UNC13C: variants seen among roughly 807,000 people sequenced by gnomAD.
UNC13C encodes unc-13 homolog C.
UNC13C carries 174 observed loss-of-function variants against 245.4 expected under a neutral mutation model. The observed-to-expected ratio is 0.71, with a 90% CI of 0.63 to 0.80. The LOEUF is 0.80. UNC13C is among the 30% of genes least tolerant of loss of function. The pLI, the probability that UNC13C is intolerant of heterozygous loss-of-function variation, is 0.00. For synonymous variants in UNC13C, 992 were observed against 895.1 expected, an observed-to-expected ratio of 1.11 and a Z score of -1.93; for missense variants, 2,829 against 2,602.9, an observed-to-expected ratio of 1.09 and a Z score of -1.89.
chr15:54,062,289 C>G (rs1897877391), intron 2 of UNC13C, among the ~76,000 whole-genome samples: 1 of 150,286 alleles, frequency 6.7e-6, no homozygotes, highest in African/African-American at 2.5e-5. Flanking sequence ...TTGCACTGCA[C>G]TCCAGCCTGG....
intron 17 of UNC13C, among the ~76,000 whole-genome samples, chr15:54,358,048 G>A (rs914321010): frequency 2.6e-5 from 4 of 151,982 alleles, no homozygotes; most frequent in Non-Finnish European, 5.9e-5. Context: ...ATGCAATCGA[G>A]CTTTCCTAGC....
At chr15:53,959,605 C>T in the UNC13C span, among the ~76,000 whole-genome samples, 56,944 of 151,870 alleles carry the variant, frequency 0.37, 11,289 homozygotes, top group Middle Eastern at 0.48. Context: ...TCAGGGTGTC[C>T]TTTGGTTTTC....
At chr15:54,624,001 G>T in intron 32 of UNC13C, 47 bp downstream of exon 32, 1 of 1,606,690 alleles carries the variant, frequency 6.2e-7, no homozygotes, top group Non-Finnish European at 8.5e-7. Context: ...AATAGTTACT[G>T]TACAGCTGAC....
At chr15:54,386,289 C>G (rs370639261) in intron 17 of UNC13C, among the ~76,000 whole-genome samples, 28 of 152,206 alleles carry the variant, frequency 1.8e-4, no homozygotes, top group East Asian at 1.7e-3. Context: ...TGAAGAACAT[C>G]CAAGTGAGAA....
At chr15:54,533,856 C>G (rs1233886444) in intron 26 of UNC13C, among the ~76,000 whole-genome samples, 1 of 152,108 alleles carries the variant, frequency 6.6e-6, no homozygotes, top group African/African-American at 2.4e-5. Context: ...CAACCAGAAA[C>G]ATGATTTCGT....
intron 19 of UNC13C, among the ~76,000 whole-genome samples, chr15:54,456,280 A>G (rs1464895263): frequency 1.3e-5 from 2 of 152,158 alleles, no homozygotes. Context: ...GAAGTTGGGT[A>G]ATGTGGTGCT....
At chr15:54,619,413 T>A (rs1363082232) in intron 30 of UNC13C, among the ~76,000 whole-genome samples, 3 of 152,312 alleles carry the variant, frequency 2.0e-5, no homozygotes, top group Admixed American at 6.5e-5. Context: ...TGATCTTTCC[T>A]GGCCAAGTCC....
intron 1 of UNC13C, among the ~76,000 whole-genome samples, chr15:54,007,434 A>G (rs904164475): frequency 6.6e-6 from 1 of 152,216 alleles, no homozygotes; most frequent in Non-Finnish European, 1.5e-5. Flanking sequence ...GAAGCCATAA[A>G]AAGGAATGAT....
intron 4 of UNC13C, among the ~76,000 whole-genome samples, chr15:54,172,883 T>G (rs2033470433): frequency 6.6e-6 from 1 of 150,724 alleles, no homozygotes; most frequent in Admixed American, 6.6e-5. Flanking sequence ...TATTGAGACT[T>G]GTGATCCATT....
At chr15:54,258,592 C>G (rs947862182) in intron 8 of UNC13C, among the ~76,000 whole-genome samples, 4 of 152,026 alleles carry the variant, frequency 2.6e-5, no homozygotes, top group Non-Finnish European at 5.9e-5. Context: ...TGGTTACGAA[C>G]TCCTGACCTC....
intron 4 of UNC13C, among the ~76,000 whole-genome samples, chr15:54,192,559 A>G (rs1307968136): frequency 6.6e-6 from 1 of 152,078 alleles, no homozygotes; most frequent in Non-Finnish European, 1.5e-5. Context: ...CTTACTCATC[A>G]CATTACTGTA....
chr15:53,937,435 G>A, the UNC13C span, among the ~76,000 whole-genome samples: 1 of 152,032 alleles, frequency 6.6e-6, no homozygotes, highest in Non-Finnish European at 1.5e-5. Flanking sequence ...AGATGGAGAG[G>A]ACAGAACCAA....
chr15:54,535,484 C>T (rs1895947711), intron 26 of UNC13C, among the ~76,000 whole-genome samples: 1 of 152,060 alleles, frequency 6.6e-6, no homozygotes, highest in South Asian at 2.1e-4. Context: ...AAACTCTACA[C>T]TTGACCAAAA....
At chr15:54,579,680 A>C (rs1432937936) in intron 30 of UNC13C, among the ~76,000 whole-genome samples, 1 of 152,122 alleles carries the variant, frequency 6.6e-6, no homozygotes, top group African/African-American at 2.4e-5. Flanking sequence ...AATGGCTTGA[A>C]CCTGGAAGGC....
Position 54,333,785 on chromosome 15 carries a change from A to G in UNC13C, c.4513A>G (p.Asn1505Asp). The G allele has an allele frequency of 1.2e-6, 2 of 1,604,898 alleles. No homozygotes were observed. The highest frequency in any genetic ancestry group is 1.7e-6 in the Non-Finnish European group (2 of 1,175,096). Residue 1505 changes from asparagine (N) to aspartate (D), a missense_variant, in exon 16 of 33, where the codon AAT becomes GAT. Transcript: ENST00000260323. ...SKYRENFPAS[N>D]TERLQDLKST... ...TAACCAGGAAAACTTTCCTGCAAGC[A>G]ATACTGAAAGACTGCAAGACCTGAA...
chr15:54,219,746 T>C (rs879843316), intron 4 of UNC13C, among the ~76,000 whole-genome samples: 3,505 of 151,522 alleles, frequency 0.023, 72 homozygotes, highest in Non-Finnish European at 0.033. Flanking sequence ...CTCAAACAAA[T>C]TTACAAGAAA....
chr15:54,092,830 T>C (rs1225660898), intron 2 of UNC13C, among the ~76,000 whole-genome samples: 1 of 152,172 alleles, frequency 6.6e-6, no homozygotes, highest in Non-Finnish European at 1.5e-5. Flanking sequence ...ATTTTGATAT[T>C]ACCTCATTGG....
At chr15:53,923,833 T>C in the UNC13C span, among the ~76,000 whole-genome samples, 8 of 152,188 alleles carry the variant, frequency 5.3e-5, no homozygotes, top group Admixed American at 5.2e-4. Context: ...GGAGCTAGAG[T>C]TAATTCACCG....
chr15:53,860,152 T>A, the UNC13C span, among the ~76,000 whole-genome samples: 145,609 of 152,280 alleles, frequency 0.96, 69,971 homozygotes, highest in Non-Finnish European at 1. Context: ...TCAATTGTAT[T>A]ATATAGTTAT....
Sources: allele counts gnomAD v4.1 joint callset (sites outside exome capture counted in the v4.1 genomes callset), GRCh38; gene constraint gnomAD v4.1.1; transcripts MANE v1.5; gene names NCBI Gene and HGNC (gene_info 2026-07-23, HGNC 2026-07-21).